The following MCU variants were observed in gnomAD, a reference collection of about 807,000 sequenced individuals.
MCU encodes the protein calcium uniporter protein, mitochondrial.
A neutral mutation model predicts 45.2 loss-of-function variants in MCU; 12 were observed. That is an observed-to-expected ratio of 0.27 (90% CI 0.17 to 0.43). MCU has a LOEUF of 0.43. Among genes scored for constraint, MCU ranks in the 20% least tolerant of loss-of-function variants. The probability of loss-of-function intolerance (pLI) is 1.00; values close to 1 mark genes in which losing one functional copy is unlikely to be tolerated. For synonymous variants in MCU, 160 were observed against 165.1 expected (o/e 0.97, Z 0.24); for missense variants, 324 against 436.7 (o/e 0.74, Z 2.30).
chr10:72,738,945 A>G (rs186734941), intron 1 of MCU, among the ~76,000 whole-genome samples: 1 of 150,730 alleles, frequency 6.6e-6, no homozygotes, highest in Non-Finnish European at 1.5e-5. Flanking sequence ...TAAGGCTTCA[A>G]CTCTTTTGTT....
chr10:72,847,705 T>C (rs1159302629), intron 2 of MCU, among the ~76,000 whole-genome samples: 1 of 152,174 alleles, frequency 6.6e-6, no homozygotes, highest in Non-Finnish European at 1.5e-5. Context: ...TTTTATTATC[T>C]CTCATGTTTC....
At chr10:72,694,311 G>C (rs372858676) in intron 1 of MCU, among the ~76,000 whole-genome samples, 5 of 152,138 alleles carry the variant, frequency 3.3e-5, no homozygotes, top group East Asian at 3.9e-4. Flanking sequence ...CCATTTAAAA[G>C]ATATTGAGGC....
At chr10:72,767,215 T>A (rs949575787) in intron 1 of MCU, among the ~76,000 whole-genome samples, 2 of 152,120 alleles carry the variant, frequency 1.3e-5, no homozygotes, top group Non-Finnish European at 2.9e-5. Context: ...GGTTTAAGAC[T>A]TCAGGAGTTT....
intron 1 of MCU, chr10:72,721,012 T>C (rs1477013145): frequency 6.5e-6 from 1 of 153,782 alleles, no homozygotes; most frequent in Non-Finnish European, 1.5e-5. Context: ...TAAGAATAGT[T>C]CTTTATATCC....
chr10:72,853,950 G>A (rs544335186), intron 2 of MCU, among the ~76,000 whole-genome samples: 24 of 152,060 alleles, frequency 1.6e-4, no homozygotes, highest in South Asian at 6.2e-4. Flanking sequence ...CCTGGCCAAC[G>A]TGGTGAAACC....
chr10:72,824,556 G>A (rs7923659), intron 1 of MCU, among the ~76,000 whole-genome samples: 80,389 of 151,924 alleles, frequency 0.53, 23,093 homozygotes, highest in Non-Finnish European at 0.67. Flanking sequence ...AAGTAAGACA[G>A]TTATGTTAGA....
chr10:72,743,980 C>CTCA (rs1322815879), intron 1 of MCU, among the ~76,000 whole-genome samples: 2 of 151,708 alleles, frequency 1.3e-5, no homozygotes, highest in Non-Finnish European at 2.9e-5. Flanking sequence ...TATGCTGTAG[C>CTCA]TCATCATTTT....
In MCU at chr10:72,798,352, C is replaced by T. The variant is rs376321714; in HGVS notation, c.151-36007C>T. ...TGTTGCCAAGGCTGGAGTGCAGTGG[C>T]GCAATCTCAGCTCACTGCAACCTCT... is the stretch of plus-strand genomic sequence containing the variant. On this transcript the variant is annotated intron_variant, in intron 1 of 7. Transcript: ENST00000373053. Among the ~76,000 whole-genome samples the T allele has an allele frequency of 6.6e-5, 10 of 152,200 alleles. No individual in the cohort carries two copies. In the East Asian group the frequency reaches 1.4e-3, roughly 21 times the overall value.
Position 72,788,338 on chromosome 10 carries a change from T to C in MCU, c.151-46021T>C, listed in dbSNP as rs938376484. Among the ~76,000 whole-genome samples, 21 of 152,232 alleles carry C rather than the reference T, an allele frequency of 1.4e-4. No homozygotes were observed. The East Asian group carries it at 4.1e-3, about 30-fold the overall frequency. ...GTAGGCTGGCATAAATGGTTGTACA[T>C]ACAAACTAGTGATGAGTGGCTCATG... is the stretch of plus-strand genomic sequence containing the variant. On this transcript the variant is annotated intron_variant, in intron 1 of 7. Transcript: ENST00000373053.
intron 5 of MCU, 29 bp downstream of exon 5, chr10:72,868,892 C>T (rs754540135): frequency 6.2e-6 from 10 of 1,604,870 alleles, no homozygotes; most frequent in Middle Eastern, 3.3e-4. Context: ...GGTTTTTTAC[C>T]TTAACCTGTA....
At chr10:72,766,387 G>A (rs550227453) in intron 1 of MCU, among the ~76,000 whole-genome samples, 96 of 152,192 alleles carry the variant, frequency 6.3e-4, no homozygotes, top group African/African-American at 2.2e-3. Flanking sequence ...CTGCAGTTCA[G>A]ATATCAGCTT....
At chr10:72,866,097 G>A (rs775366127) in intron 4 of MCU, among the ~76,000 whole-genome samples, 1 of 150,366 alleles carries the variant, frequency 6.7e-6, no homozygotes, top group Non-Finnish European at 1.5e-5. Flanking sequence ...TTTAAACATA[G>A]TAAAGAAAAT....
intron 1 of MCU, among the ~76,000 whole-genome samples, chr10:72,777,246 G>A (rs1843909291): frequency 6.6e-6 from 1 of 152,108 alleles, no homozygotes; most frequent in African/African-American, 2.4e-5. Flanking sequence ...GATGGTCAAA[G>A]CAATCCTGAG....
At chr10:72,838,657 A>G (rs114874367) in intron 2 of MCU, among the ~76,000 whole-genome samples, 2,422 of 152,240 alleles carry the variant, frequency 0.016, 54 homozygotes, top group African/African-American at 0.054. Context: ...AAAGAGTGAG[A>G]GAGAATTGCT....
chr10:72,810,696 T>A (rs557091522), intron 1 of MCU, among the ~76,000 whole-genome samples: 1 of 151,906 alleles, frequency 6.6e-6, no homozygotes, highest in Non-Finnish European at 1.5e-5. Context: ...GGTTTCACTA[T>A]GTTGGCCAGG....
At chr10:72,841,747 A>AT (rs1380326928) in intron 2 of MCU, among the ~76,000 whole-genome samples, 6 of 152,182 alleles carry the variant, frequency 3.9e-5, no homozygotes, top group African/African-American at 1.4e-4. Flanking sequence ...TCACTGGCAC[A>AT]TCCTGGCTTT....
intron 1 of MCU, among the ~76,000 whole-genome samples, chr10:72,746,866 C>G (rs943817969): frequency 6.6e-6 from 1 of 152,154 alleles, no homozygotes; most frequent in Non-Finnish European, 1.5e-5. Context: ...TTTATGATCT[C>G]TATCTAGAAG....
At position 72,832,797 on chromosome 10, in the gene MCU, C is replaced by T. The variant is rs141677459; in HGVS notation, c.151-1562C>T. On this transcript the variant is annotated intron_variant, in intron 1 of 7. Transcript: ENST00000373053. ...TTTTGCCCATTTTTCAGTGAAGAAACCAAGGCACAAAGAAGGTAATAACTT... is the reference window on the plus strand; with the variant it reads ...TTTTGCCCATTTTTCAGTGAAGAAATCAAGGCACAAAGAAGGTAATAACTT... 3.0e-3 allele frequency among the ~76,000 whole-genome samples: 457 copies of T among 152,234 alleles called. 4 individuals carry two copies. Among genetic ancestry groups the T allele is most frequent in the African/African-American group, 0.01 (429 of 41,538 alleles).
At chr10:72,790,108 T>C (rs1303529381) in intron 1 of MCU, among the ~76,000 whole-genome samples, 2 of 152,218 alleles carry the variant, frequency 1.3e-5, no homozygotes, top group Non-Finnish European at 2.9e-5. Flanking sequence ...ATGCACATCA[T>C]AGAACATTTA....
Sources: gnomAD v4.1 joint callset for allele counts (sites outside exome capture counted in the v4.1 genomes callset) on GRCh38, gnomAD v4.1.1 for gene constraint, MANE v1.5 for transcripts, NCBI Gene and HGNC (gene_info 2026-07-23, HGNC 2026-07-21) for gene names.